ASXL2: variants seen among roughly 807,000 people sequenced by gnomAD.
ASXL2 encodes the protein putative Polycomb group protein ASXL2.
A neutral mutation model predicts 122.0 loss-of-function variants in ASXL2; 23 were observed. That is an observed-to-expected ratio of 0.19 (90% CI 0.14 to 0.27). The LOEUF is 0.27. Ranked by LOEUF, ASXL2 falls within the 10% of genes least tolerant of loss-of-function variation. The pLI, the probability that ASXL2 is intolerant of heterozygous loss-of-function variation, is 1.00. For synonymous variants in ASXL2, 650 were observed against 637.0 expected (o/e 1.02, Z -0.31); for missense variants, 1,518 against 1,713.8 (o/e 0.89, Z 2.02).
rs774197741 is a variant in ASXL2 at position 25,743,979 on chromosome 2, A to G, written c.2358T>C (p.Ser786=). 171 of 1,613,842 alleles carry G rather than the reference A, an allele frequency of 1.1e-4. 2 individuals are homozygous for G. In the Middle Eastern group the frequency reaches 2.3e-3, roughly 22 times the overall value. ...GTGATGGGACACTTGTGCATGCTCC[A>G]CTGACGGCAGGTGTTGGAGGCACTG... ...TPPVPPTPAV[S]GACTSVPSPA... Residue 786 remains serine, a synonymous_variant, in exon 13 of 13, where the codon AGT becomes AGC. Transcript: ENST00000435504.
At chr2:25,857,657 T>G (rs1380265543) in intron 1 of ASXL2, among the ~76,000 whole-genome samples, 1 of 152,172 alleles carries the variant, frequency 6.6e-6, no homozygotes, top group Non-Finnish European at 1.5e-5. Context: ...AATGTCAACT[T>G]CTCAGTGAAG....
In ASXL2 at chr2:25,774,042, A is replaced by AAT. The variant is rs932073501; in HGVS notation, c.404-2504_404-2503dup. On this transcript the variant is annotated intron_variant, in intron 5 of 12. Transcript: ENST00000435504. ...GAGACTCCATCACAGAAGAAAAAATAATATATATATATATAATTCATATAC... is the reference window on the plus strand; with the variant it reads ...GAGACTCCATCACAGAAGAAAAAATAATATATATATATATATAATTCATATAC... 8.6e-3 allele frequency among the ~76,000 whole-genome samples: 1,298 copies of AAT among 150,970 alleles called. 12 individuals carry two copies. The highest frequency in any genetic ancestry group is 0.03 in the African/African-American group (1,229 of 41,216).
chr2:25,798,667 G>T (rs1028312149), intron 5 of ASXL2, among the ~76,000 whole-genome samples: 1 of 152,136 alleles, frequency 6.6e-6, no homozygotes, highest in African/African-American at 2.4e-5. Flanking sequence ...AGGAGGCTGA[G>T]TCAGGGTAAT....
intron 6 of ASXL2, among the ~76,000 whole-genome samples, chr2:25,769,296 T>C (rs2088406536): frequency 6.6e-6 from 1 of 152,200 alleles, no homozygotes; most frequent in Non-Finnish European, 1.5e-5. Flanking sequence ...AAAAGAGCCC[T>C]ATCTGCATCA....
chr2:25,759,648 AC>A lies in ASXL2; in HGVS notation c.776-4del, dbSNP rs777492285. 4.4e-6 allele frequency: 7 copies of A among 1,605,586 alleles called. No homozygotes were observed. In the East Asian group the frequency reaches 1.6e-4, roughly 36 times the overall value. On this transcript the variant is annotated splice_region_variant and splice_polypyrimidine_tract_variant and intron_variant, in intron 8 of 12. Coordinates refer to ENST00000435504, the MANE Select transcript of ASXL2 (RefSeq NM_018263.6). ...ACATTTAGTTCTTTTCATTTGTCCTACAAAAACAGAGAAGAATCGTTTGGGC... is the reference window on the plus strand; with the variant it reads ...ACATTTAGTTCTTTTCATTTGTCCTAAAAAACAGAGAAGAATCGTTTGGGC...
intron 2 of ASXL2, among the ~76,000 whole-genome samples, chr2:25,844,605 C>G (rs1189079183): frequency 6.7e-6 from 1 of 148,252 alleles, no homozygotes; most frequent in South Asian, 2.1e-4. Flanking sequence ...AAAAACAAAA[C>G]AAAAAAAAAC....
intron 1 of ASXL2, among the ~76,000 whole-genome samples, chr2:25,858,815 T>C (rs1414440111): frequency 6.6e-6 from 1 of 150,694 alleles, no homozygotes; most frequent in Non-Finnish European, 1.5e-5. Flanking sequence ...AAATCTAATT[T>C]TTTTTTTTTT....
At chr2:25,844,646 G>A (rs1173557534) in intron 2 of ASXL2, among the ~76,000 whole-genome samples, 1 of 145,998 alleles carries the variant, frequency 6.8e-6, no homozygotes, top group African/African-American at 2.5e-5. Context: ...AAGTATTACT[G>A]TAATTTTTTT....
At chr2:25,808,270 C>G (rs889365860) in intron 3 of ASXL2, among the ~76,000 whole-genome samples, 2 of 152,136 alleles carry the variant, frequency 1.3e-5, no homozygotes, top group African/African-American at 2.4e-5. Flanking sequence ...AGGAGTGACA[C>G]AGTATGAATC....
At chr2:25,873,721 T>C (rs1255122765) in intron 1 of ASXL2, among the ~76,000 whole-genome samples, 2 of 151,502 alleles carry the variant, frequency 1.3e-5, no homozygotes, top group Non-Finnish European at 2.9e-5. Flanking sequence ...ATGTTCCTCA[T>C]CTCTAACACC....
rs2087741677 is a variant in ASXL2 at position 25,736,708 on chromosome 2, G to A, written c.*5321C>T. On this transcript the variant is annotated 3_prime_UTR_variant, in exon 13 of 13. Coordinates refer to ENST00000435504, the MANE Select transcript of ASXL2 (RefSeq NM_018263.6). ...TTCCAAAATATATTTTTTCTTTTCAGTGAAAGTAACCACAGCTGGGCAATT... is the reference window on the plus strand; with the variant it reads ...TTCCAAAATATATTTTTTCTTTTCAATGAAAGTAACCACAGCTGGGCAATT... 1 of 150,484 alleles carries A rather than the reference G, an allele frequency of 6.6e-6. No homozygotes were observed. Among genetic ancestry groups the A allele is most frequent in the Non-Finnish European group, 1.5e-5 (1 of 67,832 alleles). 9.3% of individuals were successfully genotyped at this position (150,484 alleles called of 1,614,324 possible).
intron 1 of ASXL2, among the ~76,000 whole-genome samples, chr2:25,864,664 C>T (rs2089878713): frequency 6.6e-6 from 1 of 151,176 alleles, no homozygotes; most frequent in Non-Finnish European, 1.5e-5. Flanking sequence ...AACTTTAGTA[C>T]TATTTAAAAA....
At chr2:25,810,604 T>C in intron 3 of ASXL2, 1 of 768,192 alleles carries the variant, frequency 1.3e-6, no homozygotes, top group Non-Finnish European at 2.2e-6. Flanking sequence ...TGCCTGCTGC[T>C]GCAGAACCTG....
chr2:25,821,545 C>T (rs1574433461), intron 3 of ASXL2, among the ~76,000 whole-genome samples: 1 of 151,464 alleles, frequency 6.6e-6, no homozygotes, highest in Admixed American at 6.6e-5. Context: ...GAGCAGATCA[C>T]TCGAGGTCAG....
intron 1 of ASXL2, among the ~76,000 whole-genome samples, chr2:25,853,882 G>A (rs1441030250): frequency 6.6e-6 from 1 of 151,838 alleles, no homozygotes; most frequent in African/African-American, 2.4e-5. Context: ...ATGGAATTAG[G>A]AACATATGTG....
rs757496986 is a variant in ASXL2 at position 25,749,970 on chromosome 2, T to C, written c.1586A>G (p.Lys529Arg). ...ESLVTSPSKP[K>R]SPGVEKPIVK... ...TATTGGTTTTTCAACCCCAGGACTC[T>C]TGGGTTTGCTTGGCGATGTAACTAA... is the stretch of plus-strand genomic sequence containing the variant. Residue 529 changes from lysine (K) to arginine (R), a missense_variant, in exon 12 of 13, where the codon AAG (lysine) becomes AGG (arginine). This residue lies in a region of ASXL2 where 292 missense variants were observed against 293.5 expected (regional missense o/e 1.00). Coordinates refer to ENST00000435504, the MANE Select transcript of ASXL2 (RefSeq NM_018263.6). The C allele has an allele frequency of 1.2e-6, 2 of 1,613,854 alleles. No homozygotes were observed. Among genetic ancestry groups the C allele is most frequent in the East Asian group, 4.5e-5 (2 of 44,906 alleles).
intron 1 of ASXL2, among the ~76,000 whole-genome samples, chr2:25,846,114 C>A (rs1258472695): frequency 6.6e-6 from 1 of 152,178 alleles, no homozygotes; most frequent in East Asian, 1.9e-4. Context: ...CAGCCCAAAA[C>A]CCGGAACTGC....
At chr2:25,846,484 C>A (rs969425356) in intron 1 of ASXL2, among the ~76,000 whole-genome samples, 1 of 152,076 alleles carries the variant, frequency 6.6e-6, no homozygotes, top group Non-Finnish European at 1.5e-5. Context: ...CCCATCTCTA[C>A]TGAAAATACA....
chr2:25,838,478 C>A (rs539361001), intron 2 of ASXL2, among the ~76,000 whole-genome samples: 12 of 152,298 alleles, frequency 7.9e-5, no homozygotes, highest in African/African-American at 2.9e-4. Flanking sequence ...GAGACTTACA[C>A]AGAACTCTTA....
Sources: gnomAD v4.1 joint callset for allele counts (sites outside exome capture counted in the v4.1 genomes callset) on GRCh38, gnomAD v4.1.1 for gene constraint, gnomAD v4.1.1 regional missense constraint, MANE v1.5 for transcripts, NCBI Gene and HGNC (gene_info 2026-07-23, HGNC 2026-07-21) for gene names.